The following ANO3 variants were observed in gnomAD, a reference collection of about 807,000 sequenced individuals.
ANO3 encodes the protein anoctamin-3.
A neutral mutation model predicts 144.8 loss-of-function variants in ANO3; 99 were observed. That is an observed-to-expected ratio of 0.68 (90% CI 0.58 to 0.81). The LOEUF (loss-of-function observed/expected upper bound fraction) is 0.81. Among genes scored for constraint, ANO3 ranks in the 30% least tolerant of loss-of-function variants. ANO3 has a pLI of 0.00. For missense variants in ANO3, 905 were observed against 1,202.2 expected, an observed-to-expected ratio of 0.75 and a Z score of 3.66; for synonymous variants, 414 against 392.6, an observed-to-expected ratio of 1.05 and a Z score of -0.64.
chr11:26,428,366 T>C (rs762200847), intron 1 of ANO3, among the ~76,000 whole-genome samples: 9 of 152,112 alleles, frequency 5.9e-5, no homozygotes, highest in Non-Finnish European at 1.0e-4. Context: ...GTAATAAAAC[T>C]ATTAAACTCT....
chr11:26,581,160 A>G (rs1239851366), intron 14 of ANO3, among the ~76,000 whole-genome samples: 3 of 152,208 alleles, frequency 2.0e-5, no homozygotes, highest in Non-Finnish European at 2.9e-5. Flanking sequence ...GTTTGTTTAT[A>G]TAATGAGTGA....
At chr11:26,497,356 C>A (rs1861004499) in intron 4 of ANO3, among the ~76,000 whole-genome samples, 1 of 151,810 alleles carries the variant, frequency 6.6e-6, no homozygotes, top group African/African-American at 2.4e-5. Flanking sequence ...ATAATGGTTT[C>A]TTTTCTATTG....
At chr11:26,290,726 G>C (rs1166235049) in intron 1 of ANO3, among the ~76,000 whole-genome samples, 1 of 152,216 alleles carries the variant, frequency 6.6e-6, no homozygotes, top group African/African-American at 2.4e-5. Context: ...TGTTTTGAGT[G>C]AGTTTCTTAA....
intron 1 of ANO3, among the ~76,000 whole-genome samples, chr11:26,390,768 G>C (rs934227803): frequency 5.9e-5 from 9 of 152,054 alleles, no homozygotes; most frequent in Admixed American, 5.9e-4. Context: ...TGATGATATT[G>C]AACAAGCAAG....
chr11:26,519,623 T>C (rs551190595), intron 6 of ANO3, among the ~76,000 whole-genome samples: 2 of 152,148 alleles, frequency 1.3e-5, no homozygotes, highest in Non-Finnish European at 2.9e-5. Flanking sequence ...CCTCACATGG[T>C]AGAAGGAGGG....
chr11:26,525,237 C>T (rs973209857), intron 6 of ANO3, among the ~76,000 whole-genome samples: 10 of 151,732 alleles, frequency 6.6e-5, no homozygotes, highest in African/African-American at 1.9e-4. Context: ...TTATTACATA[C>T]GTATTAAATG....
chr11:26,200,818 T>C (rs755589725), intron 1 of ANO3, among the ~76,000 whole-genome samples: 5 of 152,174 alleles, frequency 3.3e-5, no homozygotes, highest in Non-Finnish European at 7.4e-5. Flanking sequence ...GGAGCTGTTT[T>C]AATTACTTGT....
intron 14 of ANO3, among the ~76,000 whole-genome samples, chr11:26,575,324 G>T (rs1360345087): frequency 6.6e-6 from 1 of 151,484 alleles, no homozygotes; most frequent in Admixed American, 6.6e-5. Flanking sequence ...GAGCCTAATG[G>T]TCACAAGAAA....
chr11:26,501,925 G>A (rs575578553), intron 4 of ANO3, among the ~76,000 whole-genome samples: 5 of 152,140 alleles, frequency 3.3e-5, no homozygotes, highest in Admixed American at 6.5e-5. Flanking sequence ...AGTTGGTGAG[G>A]TTCTCTTTCT....
At chr11:26,574,604 T>TAAATAAAATG (rs1850939146) in intron 14 of ANO3, among the ~76,000 whole-genome samples, 1 of 152,170 alleles carries the variant, frequency 6.6e-6, no homozygotes, top group Non-Finnish European at 1.5e-5. Context: ...TTAATGATAT[T>TAAATAAAATG]CTTTATAAAT....
chr11:26,347,103 A>C (rs921685989), intron 1 of ANO3, among the ~76,000 whole-genome samples: 3 of 151,786 alleles, frequency 2.0e-5, no homozygotes, highest in Non-Finnish European at 4.4e-5. Flanking sequence ...GTTGCATACA[A>C]AGCTTCAAAT....
chr11:26,456,049 C>A (rs1026826311), intron 3 of ANO3, among the ~76,000 whole-genome samples: 2 of 151,476 alleles, frequency 1.3e-5, no homozygotes, highest in Non-Finnish European at 2.9e-5. Context: ...GGATCCCTTC[C>A]TTACACCTTA....
At chr11:26,327,522 C>CAGG (rs1438947418), upstream of ANO3, among the ~76,000 whole-genome samples, 10 of 152,024 alleles carry the variant, frequency 6.6e-5, no homozygotes, top group Non-Finnish European at 1.5e-4. Flanking sequence ...GCAGCAGCAG[C>CAGG]AGCAAAAGCA....
chr11:26,336,464 A>G (rs997365419), intron 1 of ANO3, among the ~76,000 whole-genome samples: 1 of 152,264 alleles, frequency 6.6e-6, no homozygotes, highest in African/African-American at 2.4e-5. Context: ...TTTAATAATA[A>G]GAATGTTTTA....
chr11:26,582,690 G>A (rs555885865), intron 14 of ANO3, among the ~76,000 whole-genome samples: 1 of 152,212 alleles, frequency 6.6e-6, no homozygotes, highest in South Asian at 2.1e-4. Flanking sequence ...TATTCATGGT[G>A]GGATTGTTAG....
intron 14 of ANO3, among the ~76,000 whole-genome samples, chr11:26,568,441 C>A (rs1565113145): frequency 6.7e-6 from 1 of 150,122 alleles, no homozygotes; most frequent in Non-Finnish European, 1.5e-5. Flanking sequence ...ATTTGGTACA[C>A]AGCTGCTTTT....
intron 1 of ANO3, chr11:26,286,286 G>C (rs980325403): frequency 1.3e-5 from 2 of 152,140 alleles, no homozygotes; most frequent in South Asian, 4.2e-4. Context: ...GTTTCATTTA[G>C]AGCACATGAA....
intron 17 of ANO3, among the ~76,000 whole-genome samples, chr11:26,617,007 A>G (rs896636514): frequency 2.0e-5 from 3 of 152,124 alleles, no homozygotes. Flanking sequence ...TCCTGACCTC[A>G]TGATCCACCT....
At position 26,661,973 on chromosome 11, in the gene ANO3, C is replaced by G. The variant is rs539863219; in HGVS notation, c.*1529C>G. The G allele has an allele frequency of 6.9e-4, 105 of 152,092 alleles. No individual in the cohort carries two copies. The highest frequency in any genetic ancestry group is 2.4e-3 in the African/African-American group (98 of 41,512). 9.4% of individuals were successfully genotyped at this position (152,092 alleles called of 1,614,324 possible). On this transcript the variant is annotated 3_prime_UTR_variant, in exon 27 of 27. Coordinates refer to ENST00000256737, the MANE Select transcript of ANO3 (RefSeq NM_031418.4). ...GATTGTTATTATTTGTCCAATCAAG[C>G]AAAGCACCATTATTTCTAACATATA...
Sources: allele counts gnomAD v4.1 joint callset (sites outside exome capture counted in the v4.1 genomes callset), GRCh38; gene constraint gnomAD v4.1.1; transcripts MANE v1.5; gene names NCBI Gene and HGNC (gene_info 2026-07-23, HGNC 2026-07-21).